The following CRADD variants were observed in gnomAD, a reference collection of about 807,000 sequenced individuals.
CRADD encodes CARD and death domain containing adaptor protein, also known as death domain-containing protein CRADD.
In CRADD, 9 loss-of-function variants were observed where a neutral mutation model predicts 15.5. The ratio of observed to expected loss-of-function variants is 0.58; its 90% confidence interval spans 0.35 to 1.01. The LOEUF (loss-of-function observed/expected upper bound fraction) is 1.01. Among genes scored for constraint, CRADD ranks in the 50% least tolerant of loss-of-function variants. The probability of loss-of-function intolerance (pLI) is 0.02; values close to 1 mark genes in which losing one functional copy is unlikely to be tolerated. For missense variants in CRADD, 227 were observed against 250.3 expected (o/e 0.91, Z 0.63); for synonymous variants, 118 against 107.6 (o/e 1.10, Z -0.60).
At chr12:93,799,229 T>C (rs890899185) in intron 2 of CRADD, among the ~76,000 whole-genome samples, 1 of 152,234 alleles carries the variant, frequency 6.6e-6, no homozygotes, top group African/African-American at 2.4e-5. Flanking sequence ...TGTAACCTTA[T>C]TCTGGATCAT....
At chr12:93,830,574 G>T (rs557472593) in intron 2 of CRADD, among the ~76,000 whole-genome samples, 1 of 152,246 alleles carries the variant, frequency 6.6e-6, no homozygotes, top group South Asian at 2.1e-4. Flanking sequence ...GAGATTAAAA[G>T]AATATTTATT....
At chr12:93,871,265 A>T (rs375360676) in intron 2 of CRADD, among the ~76,000 whole-genome samples, 18 of 152,330 alleles carry the variant, frequency 1.2e-4, no homozygotes, top group African/African-American at 3.6e-4. Flanking sequence ...TATAATTTTT[A>T]AAATAAATGT....
intron 2 of CRADD, among the ~76,000 whole-genome samples, chr12:93,779,670 AC>A (rs1957180957): frequency 6.6e-6 from 1 of 151,300 alleles, no homozygotes; most frequent in African/African-American, 2.4e-5. Context: ...GCCCACTGCA[AC>A]CTCCACCTCC....
chr12:93,780,877 G>A (rs12315119), intron 2 of CRADD, among the ~76,000 whole-genome samples: 4,329 of 150,654 alleles, frequency 0.029, 209 homozygotes, highest in African/African-American at 0.1. Context: ...CTCCTGCATA[G>A]CTGGGATTAC....
chr12:93,680,146 C>T (rs1375930296), intron 2 of CRADD, among the ~76,000 whole-genome samples: 1 of 151,908 alleles, frequency 6.6e-6, no homozygotes, highest in East Asian at 1.9e-4. Context: ...TCCCTTGACT[C>T]TGTTTCACAA....
chr12:93,757,384 A>G (rs891919762), intron 2 of CRADD, among the ~76,000 whole-genome samples: 4 of 152,170 alleles, frequency 2.6e-5, no homozygotes. Flanking sequence ...CCCAAAACAT[A>G]CTGTCCCTGG....
intron 2 of CRADD, among the ~76,000 whole-genome samples, chr12:93,832,971 CA>C (rs1957927341): frequency 6.6e-6 from 1 of 152,314 alleles, no homozygotes; most frequent in African/African-American, 2.4e-5. Flanking sequence ...CTTTTAACTT[CA>C]AAAGGTAGTT....
At chr12:93,834,842 A>G (rs1194559229) in intron 2 of CRADD, among the ~76,000 whole-genome samples, 1 of 152,142 alleles carries the variant, frequency 6.6e-6, no homozygotes, top group Non-Finnish European at 1.5e-5. Flanking sequence ...TCTTTTTCCT[A>G]TGGCTTTCCT....
intron 2 of CRADD, among the ~76,000 whole-genome samples, chr12:93,866,191 T>C (rs913799186): frequency 6.6e-6 from 1 of 152,174 alleles, no homozygotes; most frequent in Admixed American, 6.5e-5. Context: ...CAGTTTGAAA[T>C]TTTCTTAAAT....
chr12:93,750,062 G>A lies in CRADD; in HGVS notation c.298+70990G>A, dbSNP rs1956812407. 2.0e-5 allele frequency among the ~76,000 whole-genome samples: 3 copies of A among 152,184 alleles called. No homozygotes were observed. In the South Asian group the frequency reaches 6.2e-4, roughly 31 times the overall value. On this transcript the variant is annotated intron_variant, in intron 2 of 2. Transcript: ENST00000332896. The stretch of plus-strand genomic sequence containing the variant: ...TGTTCCTGCCCTTAAGCAGACTACT[G>A]TTTTAGCAGGGCTACTTCAGAACCT...
downstream of CRADD, among the ~76,000 whole-genome samples, chr12:93,851,043 A>G (rs1958215195): frequency 6.6e-6 from 1 of 152,250 alleles, no homozygotes. Flanking sequence ...GAAAGCATTA[A>G]GTCAGGGGAC....
chr12:93,894,025 G>T (rs143614509), intron 2 of CRADD: 2 of 702,120 alleles, frequency 2.8e-6, no homozygotes, highest in Non-Finnish European at 5.2e-6. Flanking sequence ...CCCTTGATTT[G>T]ACCTTCTCTT....
chr12:93,759,424 GA>G (rs34527756), intron 2 of CRADD, among the ~76,000 whole-genome samples: 53,746 of 150,450 alleles, frequency 0.36, 10,895 homozygotes, highest in East Asian at 0.6. Context: ...CTCGAGAAAG[GA>G]AAAAAAAAAT....
intron 2 of CRADD, among the ~76,000 whole-genome samples, chr12:93,731,782 G>T (rs1246535036): frequency 2.6e-5 from 4 of 152,218 alleles, no homozygotes; most frequent in Non-Finnish European, 5.9e-5. Flanking sequence ...TTCTGATAGG[G>T]AGACAATCAT....
At chr12:93,881,439 T>TG (rs11331682) in intron 2 of CRADD, among the ~76,000 whole-genome samples, 2,274 of 89,782 alleles carry the variant, frequency 0.025, 26 homozygotes, top group East Asian at 0.094. Flanking sequence ...AAAAAAAGTG[T>TG]GGGGGGGGGG....
chr12:93,756,204 C>T (rs925947977), intron 2 of CRADD, among the ~76,000 whole-genome samples: 6 of 152,210 alleles, frequency 3.9e-5, no homozygotes, highest in Non-Finnish European at 1.5e-5. Context: ...AAGTGAGTGG[C>T]ACAGGTCAGG....
intron 2 of CRADD, among the ~76,000 whole-genome samples, chr12:93,844,894 C>A (rs1229238760): frequency 5.3e-5 from 8 of 152,188 alleles, no homozygotes; most frequent in African/African-American, 1.7e-4. Flanking sequence ...GCGAGAGGAC[C>A]AGTTCCTGAG....
intron 2 of CRADD, among the ~76,000 whole-genome samples, chr12:93,768,369 A>AATC (rs1168795702): frequency 6.6e-6 from 1 of 152,242 alleles, no homozygotes; most frequent in Non-Finnish European, 1.5e-5. Flanking sequence ...TGAAACTGAA[A>AATC]ATAGAGAAGA....
intron 2 of CRADD, among the ~76,000 whole-genome samples, chr12:93,698,684 AT>A (rs1955770419): frequency 6.6e-6 from 1 of 152,042 alleles, no homozygotes. Flanking sequence ...TTTTCCCCAA[AT>A]TGTTGGACTC....
Sources: gnomAD v4.1 joint callset for allele counts (sites outside exome capture counted in the v4.1 genomes callset) on GRCh38, gnomAD v4.1.1 for gene constraint, MANE v1.5 for transcripts, NCBI Gene and HGNC (gene_info 2026-07-23, HGNC 2026-07-21) for gene names.